POGZ: variants seen among roughly 807,000 people sequenced by gnomAD.
The protein encoded by POGZ is pogo transposable element with ZNF domain.
In POGZ, 17 loss-of-function variants were observed where a neutral mutation model predicts 134.6. That is an observed-to-expected ratio of 0.13 (90% confidence interval 0.09 to 0.19). The LOEUF is 0.19. Among genes scored for constraint, POGZ ranks in the 10% least tolerant of loss-of-function variants. POGZ has a pLI of 1.00. For missense variants in POGZ, 1,306 were observed against 1,769.7 expected (o/e 0.74, Z 4.70); for synonymous variants, 693 against 657.1 (o/e 1.05, Z -0.84).
At chr1:151,445,093 T>G (rs1160984692) in intron 1 of POGZ, among the ~76,000 whole-genome samples, 1 of 151,908 alleles carries the variant, frequency 6.6e-6, no homozygotes. Context: ...CCAAAAAGGG[T>G]AGATCTGAAA....
chr1:151,448,121 C>T (rs1164340827), intron 1 of POGZ, among the ~76,000 whole-genome samples: 4 of 152,080 alleles, frequency 2.6e-5, no homozygotes, highest in Non-Finnish European at 4.4e-5. Context: ...TTTGCTCTTA[C>T]GTCATCTGAC....
chr1:151,424,322 TG>T, intron 8 of POGZ, 36 bp from the exon 9 acceptor site: 4 of 1,341,374 alleles, frequency 3.0e-6, no homozygotes, highest in Non-Finnish European at 3.1e-6. Flanking sequence ...CTGGTTATCC[TG>T]GGGGCTAGAA....
chr1:151,414,337 C>T (rs1473806842), intron 10 of POGZ, among the ~76,000 whole-genome samples: 1 of 152,160 alleles, frequency 6.6e-6, no homozygotes, highest in Non-Finnish European at 1.5e-5. Context: ...ATATTTTGTC[C>T]AGGCCTTTCT....
chr1:151,455,999 T>C (rs1355677441), intron 1 of POGZ, among the ~76,000 whole-genome samples: 1 of 148,682 alleles, frequency 6.7e-6, no homozygotes, highest in Non-Finnish European at 1.5e-5. Context: ...CACCTTGGCC[T>C]CCCAAAGTGC....
intron 1 of POGZ, among the ~76,000 whole-genome samples, chr1:151,456,700 C>G (rs922482724): frequency 6.6e-6 from 1 of 152,164 alleles, no homozygotes; most frequent in African/African-American, 2.4e-5. Context: ...TGCCTGTAAT[C>G]CCAGCACTTT....
intron 3 of POGZ, among the ~76,000 whole-genome samples, chr1:151,431,351 A>ACAT (rs1443048719): frequency 6.6e-6 from 1 of 152,232 alleles, no homozygotes; most frequent in Admixed American, 6.5e-5. Context: ...AGAACAAAAT[A>ACAT]TGTTAAGTCT....
At chr1:151,447,231 CA>C (rs1305320750) in intron 1 of POGZ, among the ~76,000 whole-genome samples, 3 of 151,852 alleles carry the variant, frequency 2.0e-5, no homozygotes, top group Admixed American at 1.3e-4. Flanking sequence ...ACTAAAAATA[CA>C]AAAATTAGCC....
intron 10 of POGZ, among the ~76,000 whole-genome samples, chr1:151,421,037 G>C (rs1656817055): frequency 6.8e-6 from 1 of 147,812 alleles, no homozygotes; most frequent in South Asian, 2.1e-4. Flanking sequence ...TATAAATTAG[G>C]CAAAGAGATT....
At chr1:151,433,157 C>T (rs111519478) in intron 3 of POGZ, among the ~76,000 whole-genome samples, 2 of 152,240 alleles carry the variant, frequency 1.3e-5, no homozygotes, top group African/African-American at 4.8e-5. Flanking sequence ...AGGCTTTTTG[C>T]ATTTATGGGA....
chr1:151,444,906 G>C (rs1034911676), intron 1 of POGZ, among the ~76,000 whole-genome samples: 2 of 152,030 alleles, frequency 1.3e-5, no homozygotes, highest in African/African-American at 4.8e-5. Flanking sequence ...AGTGGTCCCA[G>C]CTACCAGGGA....
At chr1:151,413,651 A>G (rs981673104) in intron 10 of POGZ, among the ~76,000 whole-genome samples, 2 of 151,758 alleles carry the variant, frequency 1.3e-5, no homozygotes, top group Non-Finnish European at 2.9e-5. Context: ...AGTTGAAATA[A>G]TTCTTTTTTC....
intron 1 of POGZ, among the ~76,000 whole-genome samples, chr1:151,453,823 C>A (rs1022237925): frequency 6.6e-5 from 10 of 152,086 alleles, no homozygotes; most frequent in African/African-American, 2.4e-5. Context: ...CCTATATGAT[C>A]AGCTAGTCAA....
intron 1 of POGZ, among the ~76,000 whole-genome samples, chr1:151,457,883 T>C (rs1662960610): frequency 6.7e-6 from 1 of 148,606 alleles, no homozygotes; most frequent in South Asian, 2.1e-4. Context: ...GCAGAGATCG[T>C]GCCACTGCAC....
chr1:151,420,503 C>CA (rs1656704948), intron 10 of POGZ, among the ~76,000 whole-genome samples: 1 of 152,008 alleles, frequency 6.6e-6, no homozygotes, highest in Admixed American at 6.6e-5. Flanking sequence ...TTTGTAGAGA[C>CA]GGGGTTTCTC....
At chr1:151,455,742 TCA>T (rs1479419913) in intron 1 of POGZ, among the ~76,000 whole-genome samples, 35 of 152,370 alleles carry the variant, frequency 2.3e-4, no homozygotes, top group Admixed American at 2.1e-3. Flanking sequence ...GGTTGGATTC[TCA>T]CAGTTACTTC....
At chr1:151,417,486 A>G (rs1240839348) in intron 10 of POGZ, among the ~76,000 whole-genome samples, 1 of 151,556 alleles carries the variant, frequency 6.6e-6, no homozygotes, top group African/African-American at 2.4e-5. Context: ...TCAGCTTCCC[A>G]AGCAGCTGGG....
At position 151,408,409 on chromosome 1, in the gene POGZ, A is replaced by G. The variant is rs1310236129; in HGVS notation, c.2234T>C (p.Met745Thr). The change falls in exon 14 of 19, where the codon ATG (methionine) becomes ACG (threonine). Residue 745 changes from methionine (M) to threonine (T), a missense_variant and splice_region_variant. Physicochemically the swap from Met to Thr is moderately conservative, Grantham distance 81. This residue lies in a region of POGZ where 149 missense variants were observed against 237.5 expected (regional missense o/e 0.63). Coordinates refer to ENST00000271715, the MANE Select transcript of POGZ (RefSeq NM_015100.4). ...RSIQKRAVRK[M>T]SVMGRQTCLE... ...CCAGCACTTAGAAGAAGGCGCTGAC[A>G]TTTTCCTAACAGCTCTCTTCTGGAT... 5.0e-6 allele frequency: 8 copies of G among 1,588,382 alleles called. No homozygotes were observed. The highest frequency in any genetic ancestry group is 6.8e-6 in the Non-Finnish European group (8 of 1,172,738).
At chr1:151,424,497 C>T (rs1657447230) in intron 8 of POGZ, 5 of 433,930 alleles carry the variant, frequency 1.2e-5, no homozygotes, top group Admixed American at 4.0e-5. Flanking sequence ...GTATTTCTCC[C>T]TCCTGCCTGT....
At position 151,403,217 on chromosome 1, in the gene POGZ, C is replaced by CAA; in HGVS notation, c.*1583_*1584dup. 1 of 985,506 alleles carries CAA rather than the reference C, an allele frequency of 1.0e-6. No homozygotes were observed. Among genetic ancestry groups the CAA allele is most frequent in the Non-Finnish European group, 1.2e-6 (1 of 829,808 alleles). 61.0% of individuals were successfully genotyped at this position (985,506 alleles called of 1,614,324 possible). On this transcript the variant is annotated 3_prime_UTR_variant, in exon 19 of 19. Coordinates refer to ENST00000271715, the MANE Select transcript of POGZ (RefSeq NM_015100.4). ...GCTGGGGGATGAAAAAACAAACAAA[C>CAA]AAAAAAGCAGGGTGGGGTGGGAGAA...
Sources: allele counts gnomAD v4.1 joint callset (sites outside exome capture counted in the v4.1 genomes callset), GRCh38; gene constraint gnomAD v4.1.1; regional missense constraint gnomAD v4.1.1; transcripts MANE v1.5; gene names NCBI Gene and HGNC (gene_info 2026-07-23, HGNC 2026-07-21).